RARB: variants seen among roughly 807,000 people sequenced by gnomAD.
RARB encodes HBV-activated protein.
In RARB, 17 loss-of-function variants were observed where a neutral mutation model predicts 51.9. The observed-to-expected ratio is 0.33, with a 90% CI of 0.22 to 0.49. RARB has a LOEUF of 0.49. Ranked by LOEUF, RARB falls within the 20% of genes least tolerant of loss-of-function variation. The pLI is 0.99. For missense variants in RARB, 369 were observed against 550.8 expected (o/e 0.67, Z 3.30); for synonymous variants, 215 against 195.4 (o/e 1.10, Z -0.84).
intron 2 of RARB, among the ~76,000 whole-genome samples, chr3:24,993,314 T>C (rs1696953265): frequency 6.6e-6 from 1 of 152,166 alleles, no homozygotes; most frequent in African/African-American, 2.4e-5. Context: ...GTTTTAATTT[T>C]TCTAAACAAA....
chr3:25,077,942 G>A (rs747392604), intron 3 of RARB, among the ~76,000 whole-genome samples: 3 of 152,056 alleles, frequency 2.0e-5, no homozygotes, highest in Non-Finnish European at 2.9e-5. Context: ...GCTAACTAAT[G>A]AAGCTGACCA....
intron 5 of RARB, among the ~76,000 whole-genome samples, chr3:25,301,977 T>A (rs1704051998): frequency 6.6e-6 from 1 of 152,142 alleles, no homozygotes; most frequent in Admixed American, 6.5e-5. Context: ...AATCAATTGA[T>A]ACAGATGAGA....
intron 2 of RARB, among the ~76,000 whole-genome samples, chr3:25,056,475 G>A (rs1243928274): frequency 6.6e-6 from 1 of 152,030 alleles, no homozygotes; most frequent in Non-Finnish European, 1.5e-5. Context: ...AATATTGTTT[G>A]GACAATTACA....
At chr3:25,558,046 A>T (rs1234304892) in intron 3 of RARB, among the ~76,000 whole-genome samples, 1 of 152,204 alleles carries the variant, frequency 6.6e-6, no homozygotes, top group African/African-American at 2.4e-5. Context: ...CCCTCCAGTG[A>T]GCCTCTCTCT....
chr3:25,322,376 T>C (rs1704597181), intron 5 of RARB, among the ~76,000 whole-genome samples: 1 of 152,130 alleles, frequency 6.6e-6, no homozygotes, highest in African/African-American at 2.4e-5. Context: ...GAGAGGACCT[T>C]TTTAGGAGTG....
intron 2 of RARB, among the ~76,000 whole-genome samples, chr3:24,943,651 A>G (rs1010493240): frequency 6.6e-6 from 1 of 152,164 alleles, no homozygotes; most frequent in Admixed American, 6.6e-5. Context: ...CATTGTCTTT[A>G]TTTGTCTAAC....
At chr3:25,562,497 GC>G (rs780397137) in intron 3 of RARB, among the ~76,000 whole-genome samples, 1 of 152,162 alleles carries the variant, frequency 6.6e-6, no homozygotes, top group Non-Finnish European at 1.5e-5. Context: ...ATTGAGAATA[GC>G]CCATTGCTGC....
chr3:24,980,739 T>C (rs1004234167), intron 2 of RARB, among the ~76,000 whole-genome samples: 20 of 152,190 alleles, frequency 1.3e-4, no homozygotes, highest in Admixed American at 9.2e-4. Flanking sequence ...AAGTTTGTTA[T>C]TCTGACCTTC....
chr3:24,924,153 A>T (rs934681025), intron 2 of RARB, among the ~76,000 whole-genome samples: 3 of 152,048 alleles, frequency 2.0e-5, no homozygotes, highest in African/African-American at 7.2e-5. Flanking sequence ...TTTTTGTAGG[A>T]GTTTGGAATC....
At chr3:25,036,866 G>A (rs1401306896) in intron 2 of RARB, among the ~76,000 whole-genome samples, 1 of 152,176 alleles carries the variant, frequency 6.6e-6, no homozygotes, top group Non-Finnish European at 1.5e-5. Flanking sequence ...TTGTCCCAGA[G>A]CTACATTCTT....
intron 2 of RARB, among the ~76,000 whole-genome samples, chr3:24,958,821 C>T (rs1205593948): frequency 6.6e-6 from 1 of 152,188 alleles, no homozygotes; most frequent in African/African-American, 2.4e-5. Context: ...TGAGATTTTT[C>T]ATGTCTTTTC....
rs111439644 is a variant in RARB, at chr3:24,849,320, G to C, written c.-458-9354G>C. 3.4e-3 allele frequency among the ~76,000 whole-genome samples: 521 copies of C among 152,312 alleles called. 2 individuals carry two copies. Among genetic ancestry groups the C allele is most frequent in the Non-Finnish European group, 6.5e-3 (440 of 68,032 alleles). On this transcript the variant is annotated intron_variant, in intron 1 of 11. Coordinates refer to the RARB transcript ENST00000383772. ...GTGAGGGAAACTGCAGATAAGGGGG[G>C]AGCTACTGTATATGCCGCGTGTGTT...
chr3:25,249,159 A>C (rs764424586), intron 5 of RARB, among the ~76,000 whole-genome samples: 2 of 151,782 alleles, frequency 1.3e-5, no homozygotes, highest in African/African-American at 2.4e-5. Flanking sequence ...TATCTGGTTT[A>C]TTTCAGACAA....
intron 5 of RARB, among the ~76,000 whole-genome samples, chr3:25,195,628 C>T (rs947560011): frequency 6.6e-6 from 1 of 151,900 alleles, no homozygotes; most frequent in Non-Finnish European, 1.5e-5. Flanking sequence ...TGTTACAGAA[C>T]AAAGGTGCAT....
chr3:25,082,254 T>G (rs1699021998), intron 3 of RARB, among the ~76,000 whole-genome samples: 1 of 152,130 alleles, frequency 6.6e-6, no homozygotes, highest in Non-Finnish European at 1.5e-5. Context: ...TCTGTTTATA[T>G]GTTATATTTA....
At chr3:25,418,006 T>A (rs7648325) in intron 5 of RARB, among the ~76,000 whole-genome samples, 1 of 152,122 alleles carries the variant, frequency 6.6e-6, no homozygotes, top group Non-Finnish European at 1.5e-5. Context: ...TATGTAGAGT[T>A]CTGCAGTATT....
chr3:25,544,713 T>C (rs1031507926), intron 3 of RARB, among the ~76,000 whole-genome samples: 1 of 152,200 alleles, frequency 6.6e-6, no homozygotes, highest in African/African-American at 2.4e-5. Flanking sequence ...ATCTACACAT[T>C]ACAGGCAATA....
At chr3:25,235,694 T>C (rs952757272) in intron 5 of RARB, among the ~76,000 whole-genome samples, 4 of 152,144 alleles carry the variant, frequency 2.6e-5, no homozygotes, top group Non-Finnish European at 5.9e-5. Context: ...GGTTACAGGG[T>C]AATAGGGCAG....
rs377734487 is a variant in RARB, at chr3:25,565,330, T to C, written c.449-4428T>C. 2.6e-5 allele frequency among the ~76,000 whole-genome samples: 4 copies of C among 152,348 alleles called. No homozygotes were observed. The East Asian group carries it at 5.8e-4, about 22-fold the overall frequency. The stretch of plus-strand genomic sequence containing the variant: ...AGGTTGTTGTAAGGATTGAATGGCC[T>C]ACCATGAATAGAAGGCTTTATGATA... On this transcript the variant is annotated intron_variant, in intron 3 of 7. Transcript: ENST00000330688.
Sources: gnomAD v4.1 joint callset for allele counts (sites outside exome capture counted in the v4.1 genomes callset) on GRCh38, gnomAD v4.1.1 for gene constraint, MANE v1.5 for transcripts, NCBI Gene and HGNC (gene_info 2026-07-23, HGNC 2026-07-21) for gene names.